The following C5orf63 variants were observed in gnomAD, a reference collection of about 807,000 sequenced individuals.
The protein encoded by C5orf63 is glutaredoxin-like protein C5orf63.
C5orf63 carries 18 observed loss-of-function variants against 13.3 expected under a neutral mutation model. That is an observed-to-expected ratio of 1.36 (90% CI 0.94 to 2.01). The LOEUF is 2.01. Among genes scored for constraint, C5orf63 ranks in the 30% most tolerant of loss-of-function variants. The probability of loss-of-function intolerance (pLI) is 0.00; values close to 1 mark genes in which losing one functional copy is unlikely to be tolerated. For missense variants in C5orf63, 118 were observed against 127.7 expected (o/e 0.92, Z 0.36); for synonymous variants, 38 against 44.7 (o/e 0.85, Z 0.60).
At chr5:127,066,383 C>T (rs9918170) in intron 2 of C5orf63, among the ~76,000 whole-genome samples, 8,428 of 151,954 alleles carry the variant, frequency 0.055, 430 homozygotes, top group African/African-American at 0.13. Context: ...GGAGCAGGGA[C>T]GCAGGTAGAA....
downstream of C5orf63, chr5:127,043,101 C>G (rs553313441): frequency 6.6e-6 from 1 of 152,132 alleles, no homozygotes; most frequent in Admixed American, 6.5e-5. Context: ...GTGTACAGGT[C>G]ATAAAACATC....
chr5:127,072,380 T>C (rs1754578420), intron 1 of C5orf63, among the ~76,000 whole-genome samples: 1 of 152,190 alleles, frequency 6.6e-6, no homozygotes, highest in Non-Finnish European at 1.5e-5. Flanking sequence ...GCTCCAAATA[T>C]TGGTAGAGAG....
Position 127,058,902 on chromosome 5 carries a change from C to A in C5orf63, c.94G>T (p.Val32Leu). Residue 32 changes from valine (V) to leucine (L), a missense_variant, in exon 3 of 5, where the codon GTG becomes TTG. Val to Leu is a conservative substitution (Grantham distance 32). Transcript: ENST00000296662. Reference protein sequence around the residue: ...NCSASKTTLPVLTLFTKDPCP... With the variant: ...NCSASKTTLPLLTLFTKDPCP... ...TGTACCTTTGTGAATAAGGTCAACACAGGCAGAGTTGTCTTAGAGGCAGAG... is the reference window on the plus strand; with the variant it reads ...TGTACCTTTGTGAATAAGGTCAACAAAGGCAGAGTTGTCTTAGAGGCAGAG... The A allele has an allele frequency of 6.5e-7, 1 of 1,536,088 alleles. No homozygotes were observed. Among genetic ancestry groups the A allele is most frequent in the Non-Finnish European group, 8.7e-7 (1 of 1,145,872 alleles).
At chr5:127,068,671 G>A (rs1754416724) in intron 2 of C5orf63, among the ~76,000 whole-genome samples, 1 of 152,316 alleles carries the variant, frequency 6.6e-6, no homozygotes, top group South Asian at 2.1e-4. Flanking sequence ...AGTGGAAGGG[G>A]AGAGGAGTCT....
chr5:127,060,981 T>C (rs1011114593), intron 2 of C5orf63, among the ~76,000 whole-genome samples: 3 of 152,228 alleles, frequency 2.0e-5, no homozygotes, highest in Non-Finnish European at 4.4e-5. Flanking sequence ...TGGCACATAA[T>C]AGGCACTCAA....
At chr5:127,053,842 A>G (rs1753779986) in intron 3 of C5orf63, among the ~76,000 whole-genome samples, 1 of 152,226 alleles carries the variant, frequency 6.6e-6, no homozygotes, top group Non-Finnish European at 1.5e-5. Context: ...ACTGATGGAC[A>G]TTGGGGTTGG....
At chr5:127,060,914 G>A (rs1754079010) in intron 2 of C5orf63, among the ~76,000 whole-genome samples, 1 of 152,150 alleles carries the variant, frequency 6.6e-6, no homozygotes, top group Admixed American at 6.6e-5. Flanking sequence ...TACAATGCAA[G>A]TTCTATAAGA....
intron 2 of C5orf63, among the ~76,000 whole-genome samples, chr5:127,066,625 A>C (rs1754343657): frequency 6.6e-6 from 1 of 152,280 alleles, no homozygotes; most frequent in African/African-American, 2.4e-5. Flanking sequence ...GAGCTCGGTT[A>C]GGGACATGTC....
intron 4 of C5orf63, chr5:127,052,235 G>A: frequency 3.0e-6 from 1 of 337,476 alleles, no homozygotes; most frequent in Non-Finnish European, 5.3e-6. Flanking sequence ...AGCTGACTGA[G>A]AATCAGGACA....
intron 2 of C5orf63, among the ~76,000 whole-genome samples, chr5:127,063,932 A>G (rs1469792604): frequency 2.3e-4 from 35 of 152,144 alleles, no homozygotes; most frequent in Non-Finnish European, 7.4e-5. Flanking sequence ...CAAAACCATT[A>G]TTTTAGATTA....
At chr5:127,045,649 A>G (rs1400403979) in exon 5 of C5orf63, 1 of 152,186 alleles carries the variant, frequency 6.6e-6, no homozygotes, top group Non-Finnish European at 1.5e-5. Context: ...CTATAGCAGC[A>G]CTGATTTTCT....
intron 3 of C5orf63, among the ~76,000 whole-genome samples, chr5:127,057,444 C>G (rs1221551634): frequency 6.6e-6 from 1 of 152,126 alleles, no homozygotes; most frequent in Non-Finnish European, 1.5e-5. Flanking sequence ...AAAAAGAAAT[C>G]AGTAATGTCT....
chr5:127,068,206 A>G (rs1754401215), intron 2 of C5orf63, among the ~76,000 whole-genome samples: 1 of 152,180 alleles, frequency 6.6e-6, no homozygotes, highest in South Asian at 2.1e-4. Context: ...CTGATCAGAG[A>G]AGGGGAAATC....
At chr5:127,070,989 T>C (rs1263903808) in intron 2 of C5orf63, among the ~76,000 whole-genome samples, 1 of 152,248 alleles carries the variant, frequency 6.6e-6, no homozygotes, top group Non-Finnish European at 1.5e-5. Flanking sequence ...CTGCTTTATA[T>C]TCTTTTCAGT....
chr5:127,066,227 G>A (rs1199589958), intron 2 of C5orf63, among the ~76,000 whole-genome samples: 3 of 152,138 alleles, frequency 2.0e-5, no homozygotes, highest in Non-Finnish European at 4.4e-5. Context: ...ATCAGATCAC[G>A]TAGGCCTTGT....
downstream of C5orf63, among the ~76,000 whole-genome samples, chr5:127,050,504 G>A (rs1753637276): frequency 6.6e-6 from 1 of 152,048 alleles, no homozygotes; most frequent in Admixed American, 6.6e-5. Context: ...CCAGATTTGT[G>A]TTGGATCCAA....
intron 3 of C5orf63, 60 bp downstream of exon 3, chr5:127,058,822 T>G: frequency 9.2e-7 from 1 of 1,082,524 alleles, no homozygotes; most frequent in Non-Finnish European, 1.4e-6. Flanking sequence ...TTCAACTTTG[T>G]CCCTTTTTCT....
At chr5:127,046,236 AT>A (rs1399972237) in exon 5 of C5orf63, 1 of 152,182 alleles carries the variant, frequency 6.6e-6, no homozygotes, top group Non-Finnish European at 1.5e-5. Flanking sequence ...TTCCTCTTAC[AT>A]TCTCTGCCTC....
chr5:127,059,118 A>T (rs1380963053), intron 2 of C5orf63, 116 bp from the exon 3 acceptor site: 4 of 702,464 alleles, frequency 5.7e-6, no homozygotes, highest in Admixed American at 5.1e-5. Context: ...TTGTTTCTTC[A>T]AGTCCAGGAG....
Sources: gnomAD v4.1 joint callset for allele counts (sites outside exome capture counted in the v4.1 genomes callset) on GRCh38, gnomAD v4.1.1 for gene constraint, MANE v1.5 for transcripts, NCBI Gene and HGNC (gene_info 2026-07-23, HGNC 2026-07-21) for gene names.